The following FRMPD2 variants were observed in gnomAD, a reference collection of about 807,000 sequenced individuals.
FRMPD2 encodes the protein FERM and PDZ domain containing 2, also known as FERM and PDZ domain-containing protein 2.
Under a neutral mutation model 140.1 loss-of-function variants are expected in FRMPD2, and 96 were observed. The ratio of observed to expected loss-of-function variants is 0.69; its 90% CI spans 0.58 to 0.81. The LOEUF is 0.81. Ranked by LOEUF, FRMPD2 falls within the 40% of genes least tolerant of loss-of-function variation. The pLI, the probability that FRMPD2 is intolerant of heterozygous loss-of-function variation, is 0.00. For synonymous variants in FRMPD2, 449 were observed against 547.6 expected (o/e 0.82, Z 2.52); for missense variants, 1,240 against 1,447.4 (o/e 0.86, Z 2.32).
At chr10:48,235,744 C>T (rs969067661) in intron 9 of FRMPD2, among the ~76,000 whole-genome samples, 1 of 152,222 alleles carries the variant, frequency 6.6e-6, no homozygotes, top group African/African-American at 2.4e-5. Flanking sequence ...GACTGAGAAG[C>T]TCTCGGCCCC....
intron 11 of FRMPD2, 62 bp downstream of exon 11, chr10:48,223,061 T>A (rs61590420): frequency 8.0e-5 from 118 of 1,474,530 alleles, no homozygotes; most frequent in Non-Finnish European, 1.5e-5. Flanking sequence ...CCATTACCTC[T>A]CCGTCAGCCT....
intron 24 of FRMPD2, among the ~76,000 whole-genome samples, chr10:48,173,531 C>A (rs1270818954): frequency 2.6e-5 from 4 of 151,284 alleles, no homozygotes; most frequent in African/African-American, 4.9e-5. Flanking sequence ...TCTCTCACTG[C>A]CAGTGACCCG....
intron 1 of FRMPD2, among the ~76,000 whole-genome samples, chr10:48,265,404 T>C (rs1281308015): frequency 6.6e-6 from 1 of 151,920 alleles, no homozygotes; most frequent in Non-Finnish European, 1.5e-5. Context: ...CACAGCAAAA[T>C]AAACTATTAG....
chr10:48,188,992 C>T (rs1202525943), intron 16 of FRMPD2, among the ~76,000 whole-genome samples: 1 of 152,140 alleles, frequency 6.6e-6, no homozygotes, highest in African/African-American at 2.4e-5. Flanking sequence ...ACGGACAGAG[C>T]TCTGGGGATG....
intron 14 of FRMPD2, among the ~76,000 whole-genome samples, chr10:48,202,744 T>G (rs750919120): frequency 7.2e-4 from 109 of 152,260 alleles, no homozygotes; most frequent in Non-Finnish European, 1.4e-3. Flanking sequence ...TAGGCTTTCA[T>G]GCAATCCTGA....
In FRMPD2 at chr10:48,163,521, T is replaced by C; in HGVS notation, c.3688A>G (p.Lys1230Glu). The change falls in exon 28 of 29, where the codon AAG becomes GAG. Residue 1230 changes from lysine to glutamate, a missense_variant. Lys to Glu is a moderately conservative substitution (Grantham distance 56, BLOSUM62 1). Transcript: ENST00000374201. ...GLGLRPESSQ[K>E]AIREAQWGQN... ...CCCCATTGTGCCTCTCTGATGGCCT[T>C]TTGGGAAGACTCTGGCCTGAGACCC... The C allele has an allele frequency of 8.5e-7, 1 of 1,175,216 alleles. No individual in the cohort carries two copies. The highest frequency in any genetic ancestry group is 1.2e-5 in the South Asian group (1 of 81,694). The allele number at this position is 1,175,216 out of a possible 1,614,324, so 72.8% of individuals were successfully genotyped here.
chr10:48,258,441 A>G (rs1840525285), intron 1 of FRMPD2, among the ~76,000 whole-genome samples: 1 of 152,222 alleles, frequency 6.6e-6, no homozygotes. Context: ...AATAGTGGCT[A>G]CAGCACTGAC....
chr10:48,251,824 G>T, intron 1 of FRMPD2, 133 bp from the exon 2 acceptor site: 2 of 956,838 alleles, frequency 2.1e-6, no homozygotes, highest in Non-Finnish European at 3.1e-6. Context: ...TTCAGCACCT[G>T]GGTCCCTGGG....
Position 48,186,363 on chromosome 10 carries a change from G to T in FRMPD2, c.2267-718C>A, listed in dbSNP as rs529081597. Among the ~76,000 whole-genome samples, 12 of 152,290 alleles carry T rather than the reference G, an allele frequency of 7.9e-5. 1 individual carries two copies. The South Asian group carries it at 2.5e-3, about 32-fold the overall frequency. On this transcript the variant is annotated intron_variant, in intron 17 of 28. Coordinates refer to ENST00000374201, the MANE Select transcript of FRMPD2 (RefSeq NM_001018071.4). ...CCTGGCAGTTTTCCTGATTGATATG[G>T]TTTGGCTGTGTCCCCACCCAAATCT...
intron 1 of FRMPD2, among the ~76,000 whole-genome samples, chr10:48,256,655 G>A (rs945290298): frequency 8.5e-5 from 13 of 152,134 alleles, no homozygotes; most frequent in African/African-American, 3.1e-4. Context: ...CTCTGGAGCT[G>A]AAGGTGCCAC....
At chr10:48,190,801 G>C (rs1458321747) in intron 16 of FRMPD2, among the ~76,000 whole-genome samples, 1 of 152,166 alleles carries the variant, frequency 6.6e-6, no homozygotes, top group Admixed American at 6.5e-5. Context: ...CAGCAACCAT[G>C]CAACACTGAA....
chr10:48,175,769 G>A (rs1838391476), intron 23 of FRMPD2, 77 bp downstream of exon 23: 1 of 738,714 alleles, frequency 1.4e-6, no homozygotes, highest in African/African-American at 1.7e-5. Flanking sequence ...AAGGCCTAGA[G>A]GCTGCCCCTC....
chr10:48,221,891 T>A (rs1266085346), intron 12 of FRMPD2, among the ~76,000 whole-genome samples: 1 of 151,512 alleles, frequency 6.6e-6, no homozygotes, highest in Non-Finnish European at 1.5e-5. Flanking sequence ...GATGGGTAGA[T>A]GGGTGGGTGA....
At chr10:48,196,634 T>A (rs562495140) in intron 15 of FRMPD2, among the ~76,000 whole-genome samples, 9 of 152,290 alleles carry the variant, frequency 5.9e-5, no homozygotes, top group Admixed American at 5.2e-4. Flanking sequence ...CAATTACGGA[T>A]GCCCTGAGCT....
Position 48,223,225 on chromosome 10 carries a change from A to G in FRMPD2, c.1214T>C (p.Ile405Thr), listed in dbSNP as rs1839650311. ...FLDSETRLCK[I>T]APEGWREQPQ... ...CTGCTCTCTCCAGCCTTCAGGAGCT[A>G]TTTTGCACAATCTGGTTTCACTGTC... Residue 405 changes from isoleucine to threonine, a missense_variant, in exon 11 of 29, where the codon ATA (isoleucine) becomes ACA (threonine). Physicochemically the swap from Ile to Thr is moderately conservative, Grantham distance 89. Transcript: ENST00000374201. 1.2e-6 allele frequency: 2 copies of G among 1,613,992 alleles called. No individual in the cohort carries two copies. Among genetic ancestry groups the G allele is most frequent in the South Asian group, 2.2e-5 (2 of 91,072 alleles).
intron 12 of FRMPD2, among the ~76,000 whole-genome samples, chr10:48,218,318 C>G (rs1839500373): frequency 1.3e-5 from 2 of 152,150 alleles, no homozygotes; most frequent in Non-Finnish European, 2.9e-5. Flanking sequence ...AAGGCCAGAC[C>G]CCGATGACGT....
chr10:48,214,581 T>C (rs111478432), intron 12 of FRMPD2, among the ~76,000 whole-genome samples: 2,129 of 152,288 alleles, frequency 0.014, 42 homozygotes, highest in African/African-American at 0.047. Context: ...TTACTGTGAA[T>C]CTAAAAATTC....
intron 1 of FRMPD2, among the ~76,000 whole-genome samples, chr10:48,265,866 T>A (rs1840668437): frequency 6.6e-6 from 1 of 152,172 alleles, no homozygotes. Flanking sequence ...CACTACTGGG[T>A]ATATACCCAA....
chr10:48,168,011 C>T (rs1333628597), intron 27 of FRMPD2, among the ~76,000 whole-genome samples: 3 of 148,298 alleles, frequency 2.0e-5, no homozygotes, highest in South Asian at 2.1e-4. Context: ...ATCACATGAA[C>T]CAATTCCTAT....
Sources: gnomAD v4.1 joint callset for allele counts (sites outside exome capture counted in the v4.1 genomes callset) on GRCh38, gnomAD v4.1.1 for gene constraint, MANE v1.5 for transcripts, NCBI Gene and HGNC (gene_info 2026-07-23, HGNC 2026-07-21) for gene names.